UBE2E2: variants seen among roughly 807,000 people sequenced by gnomAD.
UBE2E2 encodes the protein ubiquitin conjugating enzyme E2 E2, also known as ubiquitin-conjugating enzyme E2 E2.
A neutral mutation model predicts 24.7 loss-of-function variants in UBE2E2; 6 were observed. That is an observed-to-expected ratio of 0.24 (90% CI 0.13 to 0.48). UBE2E2 has a LOEUF of 0.48. Ranked by LOEUF, UBE2E2 falls within the 20% of genes least tolerant of loss-of-function variation. The pLI is 0.99. For missense variants in UBE2E2, 169 were observed against 245.0 expected (o/e 0.69, Z 2.07); for synonymous variants, 104 against 83.6 (o/e 1.24, Z -1.33).
At chr3:23,399,825 A>G (rs79005443) in intron 3 of UBE2E2, among the ~76,000 whole-genome samples, 100 of 152,304 alleles carry the variant, frequency 6.6e-4, no homozygotes, top group Non-Finnish European at 1.0e-3. Context: ...AAACATTTTT[A>G]TTCACATTAA....
chr3:23,560,545 A>T (rs901736054), intron 5 of UBE2E2, among the ~76,000 whole-genome samples: 4 of 151,848 alleles, frequency 2.6e-5, no homozygotes, highest in African/African-American at 9.7e-5. Flanking sequence ...ACGTGTCTTT[A>T]TAGCAGCAGG....
chr3:23,241,971 A>G (rs997830351), intron 3 of UBE2E2, among the ~76,000 whole-genome samples: 1 of 152,200 alleles, frequency 6.6e-6, no homozygotes, highest in Non-Finnish European at 1.5e-5. Flanking sequence ...GCTCAGTGGC[A>G]TGATCATAGC....
At chr3:23,300,322 C>G (rs971847337) in intron 3 of UBE2E2, among the ~76,000 whole-genome samples, 1 of 152,120 alleles carries the variant, frequency 6.6e-6, no homozygotes, top group African/African-American at 2.4e-5. Context: ...TTGATCCTGT[C>G]ATTATGATGT....
intron 5 of UBE2E2, among the ~76,000 whole-genome samples, chr3:23,588,651 AAGCACCCTGTTAACTAAC>A (rs961672498): frequency 9.9e-5 from 15 of 152,054 alleles, no homozygotes; most frequent in South Asian, 2.1e-4. Flanking sequence ...CTGTTAAGTT[AAGCACCCTGTTAACTAAC>A]AGCACCCTGT....
chr3:23,498,146 T>G (rs1032161143), intron 3 of UBE2E2, among the ~76,000 whole-genome samples: 2 of 152,170 alleles, frequency 1.3e-5, no homozygotes, highest in Admixed American at 6.5e-5. Context: ...TCTTAGGAAC[T>G]TGTGTATTCT....
chr3:23,532,246 C>A (rs1695140707), intron 4 of UBE2E2, among the ~76,000 whole-genome samples: 1 of 152,048 alleles, frequency 6.6e-6, no homozygotes, highest in African/African-American at 2.4e-5. Flanking sequence ...CATGAACATT[C>A]CTGTAGTTGT....
At chr3:23,319,579 T>C (rs6550754) in intron 3 of UBE2E2, among the ~76,000 whole-genome samples, 123,334 of 151,732 alleles carry the variant, frequency 0.81, 50,347 homozygotes, top group African/African-American at 0.89. Context: ...GCCTGTAATC[T>C]CAGCAGGCAG....
intron 3 of UBE2E2, among the ~76,000 whole-genome samples, chr3:23,313,707 TC>T (rs1284550414): frequency 1.3e-5 from 2 of 152,098 alleles, no homozygotes; most frequent in Non-Finnish European, 2.9e-5. Context: ...AATCCTTGCA[TC>T]CACTCTGTGT....
intron 3 of UBE2E2, among the ~76,000 whole-genome samples, chr3:23,438,376 G>A (rs939265404): frequency 2.0e-5 from 3 of 152,188 alleles, no homozygotes; most frequent in African/African-American, 7.2e-5. Flanking sequence ...ATAGGAGCCT[G>A]TGGAAGGTTT....
rs150626120 is a variant in UBE2E2 at position 23,530,762 on chromosome 3, C to T, written c.361-1792C>T. On this transcript the variant is annotated intron_variant, in intron 4 of 5. Transcript: ENST00000396703. ...ATATAAGGGCGCTCAATTCTAAATT[C>T]TTGCAACATACAGGCCTAAGATTTC... 2.4e-4 allele frequency among the ~76,000 whole-genome samples: 37 copies of T among 152,258 alleles called. No individual in the cohort carries two copies. The East Asian group carries it at 6.9e-3, about 29-fold the overall frequency.
chr3:23,382,974 A>C (rs1696713827), intron 3 of UBE2E2, among the ~76,000 whole-genome samples: 1 of 152,202 alleles, frequency 6.6e-6, no homozygotes, highest in Non-Finnish European at 1.5e-5. Context: ...AATGTACGTT[A>C]AGGAGCTTTA....
At chr3:23,359,582 TA>T (rs1182990666) in intron 3 of UBE2E2, among the ~76,000 whole-genome samples, 9 of 152,232 alleles carry the variant, frequency 5.9e-5, no homozygotes, top group East Asian at 1.9e-4. Flanking sequence ...TTTGATCTAT[TA>T]AAAAAAATTT....
chr3:23,529,762 C>T (rs775476014), intron 4 of UBE2E2, among the ~76,000 whole-genome samples: 1 of 152,156 alleles, frequency 6.6e-6, no homozygotes, highest in Non-Finnish European at 1.5e-5. Flanking sequence ...TCTGCCTTCT[C>T]CAGAGAAATT....
intron 3 of UBE2E2, among the ~76,000 whole-genome samples, chr3:23,314,651 A>G (rs528377686): frequency 6.6e-6 from 1 of 152,208 alleles, no homozygotes; most frequent in Non-Finnish European, 1.5e-5. Context: ...GTGTTGATGA[A>G]ATCCCTCAGC....
chr3:23,465,079 G>A (rs563120510), intron 3 of UBE2E2, among the ~76,000 whole-genome samples: 1 of 152,302 alleles, frequency 6.6e-6, no homozygotes, highest in African/African-American at 2.4e-5. Flanking sequence ...TGATAAGCTA[G>A]CATTTATTGA....
At chr3:23,588,191 A>G (rs1022567936) in intron 5 of UBE2E2, among the ~76,000 whole-genome samples, 3 of 152,078 alleles carry the variant, frequency 2.0e-5, no homozygotes, top group African/African-American at 7.2e-5. Flanking sequence ...TTTTCCTACC[A>G]AACATTAGCT....
rs907449578 is a variant in UBE2E2, at chr3:23,228,489, T to C, written c.227+11177T>C. ...CCCATACCCCTTTTATCTTTTAAGA[T>C]ATCCTGAAACTGTATTCTTTCATGT... is the stretch of plus-strand genomic sequence containing the variant. On this transcript the variant is annotated intron_variant, in intron 3 of 5. Transcript: ENST00000396703. 7.9e-5 allele frequency among the ~76,000 whole-genome samples: 12 copies of C among 152,336 alleles called. 2 individuals carry two copies. The highest frequency in any genetic ancestry group is 2.0e-4 in the Admixed American group (3 of 15,292).
At chr3:23,543,133 G>T (rs1050280975) in intron 5 of UBE2E2, among the ~76,000 whole-genome samples, 2 of 152,114 alleles carry the variant, frequency 1.3e-5, no homozygotes, top group African/African-American at 4.8e-5. Flanking sequence ...AGGCAACAAA[G>T]TGAGACCCTG....
intron 3 of UBE2E2, among the ~76,000 whole-genome samples, chr3:23,239,277 T>C (rs1228167698): frequency 2.0e-5 from 3 of 152,158 alleles, no homozygotes; most frequent in Admixed American, 2.0e-4. Context: ...TTTAAAAAAA[T>C]TGAGATATAA....
Sources: allele counts gnomAD v4.1 joint callset (sites outside exome capture counted in the v4.1 genomes callset), GRCh38; gene constraint gnomAD v4.1.1; transcripts MANE v1.5; gene names NCBI Gene and HGNC (gene_info 2026-07-23, HGNC 2026-07-21).